The following CHSY3 variants were observed in gnomAD, a reference collection of about 807,000 sequenced individuals.
CHSY3 encodes the protein N-acetylgalactosaminyl-proteoglycan 3-beta-glucuronosyltransferase 3.
CHSY3 carries 35 observed loss-of-function variants against 67.2 expected under a neutral mutation model. The observed-to-expected ratio is 0.52, with a 90% CI of 0.40 to 0.69. The LOEUF (loss-of-function observed/expected upper bound fraction) is 0.69, where lower values mean the gene tolerates loss of function less well. Among genes scored for constraint, CHSY3 ranks in the 30% least tolerant of loss-of-function variants. The pLI, the probability that CHSY3 is intolerant of heterozygous loss-of-function variation, is 0.00. For missense variants in CHSY3, 1,069 were observed against 1,138.5 expected (o/e 0.94, Z 0.88); for synonymous variants, 474 against 434.7 (o/e 1.09, Z -1.12).
At chr5:129,927,108 TTC>T (rs1491142501) in intron 2 of CHSY3, among the ~76,000 whole-genome samples, 1 of 151,914 alleles carries the variant, frequency 6.6e-6, no homozygotes, top group Non-Finnish European at 1.5e-5. Flanking sequence ...AATTTTAGTA[TTC>T]TGTTTTTTTC....
chr5:129,937,971 G>C (rs538513127), intron 2 of CHSY3, among the ~76,000 whole-genome samples: 21 of 152,150 alleles, frequency 1.4e-4, no homozygotes, highest in Admixed American at 2.6e-4. Context: ...CACTTCCCTA[G>C]TCGAGGTTTT....
intron 2 of CHSY3, among the ~76,000 whole-genome samples, chr5:129,945,398 G>A (rs886192446): frequency 1.3e-5 from 2 of 151,986 alleles, no homozygotes; most frequent in Non-Finnish European, 2.9e-5. Context: ...AGTTGTGAGA[G>A]AAAAACATTG....
intron 2 of CHSY3, among the ~76,000 whole-genome samples, chr5:130,131,308 T>C (rs1768477037): frequency 6.6e-6 from 1 of 152,132 alleles, no homozygotes; most frequent in African/African-American, 2.4e-5. Context: ...TAGACACCAC[T>C]GTTGCCTCTT....
intron 2 of CHSY3, among the ~76,000 whole-genome samples, chr5:130,103,051 T>A (rs893011088): frequency 8.6e-5 from 13 of 151,962 alleles, no homozygotes; most frequent in Non-Finnish European, 1.8e-4. Context: ...GACTACTTAG[T>A]CTCCTTGTGC....
At chr5:129,916,006 A>T (rs1760719254) in intron 2 of CHSY3, among the ~76,000 whole-genome samples, 1 of 152,190 alleles carries the variant, frequency 6.6e-6, no homozygotes, top group Admixed American at 6.5e-5. Flanking sequence ...CTCTCAATAG[A>T]AGCCAGGGCT....
intron 2 of CHSY3, among the ~76,000 whole-genome samples, chr5:130,105,428 A>T (rs1403271604): frequency 6.6e-6 from 1 of 151,676 alleles, no homozygotes; most frequent in African/African-American, 2.4e-5. Flanking sequence ...CTCTGAGTCA[A>T]TCCAGATCCA....
At chr5:130,031,606 T>C (rs539354214) in intron 2 of CHSY3, among the ~76,000 whole-genome samples, 13 of 152,166 alleles carry the variant, frequency 8.5e-5, no homozygotes, top group Non-Finnish European at 1.8e-4. Flanking sequence ...TTTGAATTGG[T>C]TGATATGTGC....
intron 2 of CHSY3, among the ~76,000 whole-genome samples, chr5:129,988,782 TTTA>T (rs373263306): frequency 1.3e-5 from 2 of 152,312 alleles, no homozygotes; most frequent in South Asian, 2.1e-4. Flanking sequence ...TTTGCAATAT[TTTA>T]TTATTTTAAC....
At chr5:130,145,063 A>G (rs1035529574) in intron 2 of CHSY3, among the ~76,000 whole-genome samples, 2 of 152,154 alleles carry the variant, frequency 1.3e-5, no homozygotes, top group Admixed American at 6.6e-5. Flanking sequence ...GAACCCACTC[A>G]CTATCATGAG....
intron 2 of CHSY3, among the ~76,000 whole-genome samples, chr5:130,020,459 ATATTTTTTTT>A (rs1311236795): frequency 8.0e-5 from 4 of 49,722 alleles, no homozygotes; most frequent in African/African-American, 4.1e-4. Context: ...ATATATATAT[ATATTTTTTTT>A]TTTTTTTTTT....
At chr5:130,152,327 A>C (rs1769255490) in intron 2 of CHSY3, among the ~76,000 whole-genome samples, 1 of 152,228 alleles carries the variant, frequency 6.6e-6, no homozygotes, top group South Asian at 2.1e-4. Flanking sequence ...TTCTAACACT[A>C]TATTCAGTAA....
At chr5:130,029,187 A>G (rs1033743950) in intron 2 of CHSY3, among the ~76,000 whole-genome samples, 2 of 152,142 alleles carry the variant, frequency 1.3e-5, no homozygotes, top group Non-Finnish European at 2.9e-5. Flanking sequence ...TGGAGCCAGA[A>G]GCTTTGTTCT....
intron 2 of CHSY3, among the ~76,000 whole-genome samples, chr5:130,040,856 G>T (rs189321948): frequency 1.1e-4 from 17 of 151,974 alleles, no homozygotes; most frequent in Non-Finnish European, 7.4e-5. Flanking sequence ...CCTTTGTGAG[G>T]CCCCTATATG....
chr5:130,133,521 C>T (rs1768549899), intron 2 of CHSY3, among the ~76,000 whole-genome samples: 1 of 151,926 alleles, frequency 6.6e-6, no homozygotes, highest in Admixed American at 6.6e-5. Flanking sequence ...CCTGTAATCC[C>T]AGCACTTTGG....
At chr5:130,105,481 G>A (rs1767384888) in intron 2 of CHSY3, among the ~76,000 whole-genome samples, 1 of 151,602 alleles carries the variant, frequency 6.6e-6, no homozygotes, top group South Asian at 2.1e-4. Context: ...GTCACTTCAA[G>A]AAAGGCCTAC....
At chr5:129,904,139 AG>A (rs1211129016), upstream of CHSY3, among the ~76,000 whole-genome samples, 9 of 141,884 alleles carry the variant, frequency 6.3e-5, no homozygotes, top group South Asian at 1.8e-3. Flanking sequence ...AGGCCAGCGG[AG>A]GGGCGGGACG....
intron 2 of CHSY3, among the ~76,000 whole-genome samples, chr5:130,008,777 C>G (rs1204611318): frequency 6.6e-6 from 1 of 152,136 alleles, no homozygotes; most frequent in African/African-American, 2.4e-5. Flanking sequence ...CCAAACTGAT[C>G]TAATAGAGGT....
intron 2 of CHSY3, among the ~76,000 whole-genome samples, chr5:130,065,984 C>A (rs917993308): frequency 2.0e-5 from 3 of 152,078 alleles, no homozygotes; most frequent in Non-Finnish European, 4.4e-5. Flanking sequence ...TCTTTATTCC[C>A]AAACACATTT....
chr5:129,975,247 C>T (rs1018017379), intron 2 of CHSY3, among the ~76,000 whole-genome samples: 3 of 152,150 alleles, frequency 2.0e-5, no homozygotes, highest in Admixed American at 6.5e-5. Flanking sequence ...TAAATAAATA[C>T]AATCTAAGAC....
Sources: gnomAD v4.1 joint callset for allele counts (sites outside exome capture counted in the v4.1 genomes callset) on GRCh38, gnomAD v4.1.1 for gene constraint, MANE v1.5 for transcripts, NCBI Gene and HGNC (gene_info 2026-07-23, HGNC 2026-07-21) for gene names.